The following SETX variants were observed in gnomAD, a reference collection of about 807,000 sequenced individuals.
The protein encoded by SETX is senataxin.
A neutral mutation model predicts 227.2 loss-of-function variants in SETX; 90 were observed. The observed-to-expected ratio is 0.40, with a 90% CI of 0.33 to 0.47. The LOEUF (loss-of-function observed/expected upper bound fraction) is 0.47. Ranked by LOEUF, SETX falls within the 20% of genes least tolerant of loss-of-function variation. The probability of loss-of-function intolerance (pLI) is 0.91; values close to 1 mark genes in which losing one functional copy is unlikely to be tolerated. For synonymous variants in SETX, 1,210 were observed against 1,113.2 expected (o/e 1.09, Z -1.73); for missense variants, 3,052 against 3,181.5 (o/e 0.96, Z 0.98).
chr9:132,270,184 G>A (rs370899791), intron 24 of SETX, among the ~76,000 whole-genome samples: 1 of 147,772 alleles, frequency 6.8e-6, no homozygotes, highest in Non-Finnish European at 1.5e-5. Context: ...GTGGACTCTA[G>A]AATGACTCAG....
intron 11 of SETX, among the ~76,000 whole-genome samples, chr9:132,311,158 G>A (rs1187372029): frequency 6.6e-6 from 1 of 152,082 alleles, no homozygotes; most frequent in Non-Finnish European, 1.5e-5. Flanking sequence ...GTAGAAACGG[G>A]GTTTCACCAT....
intron 12 of SETX, 99 bp from the exon 13 acceptor site, chr9:132,298,411 G>A: frequency 9.7e-7 from 1 of 1,028,818 alleles, no homozygotes; most frequent in Non-Finnish European, 1.5e-6. Context: ...ACATATTTTT[G>A]GATATTATTT....
intron 10 of SETX, among the ~76,000 whole-genome samples, chr9:132,325,742 G>T (rs899247241): frequency 1.3e-5 from 2 of 151,942 alleles, no homozygotes; most frequent in African/African-American, 4.8e-5. Context: ...AGACCAGCCT[G>T]ACCAACATGG....
At chr9:132,290,707 C>G (rs1844244542) in intron 15 of SETX, among the ~76,000 whole-genome samples, 1 of 151,786 alleles carries the variant, frequency 6.6e-6, no homozygotes, top group African/African-American at 2.4e-5. Context: ...CCAGCCTGGG[C>G]AACATGATGA....
At chr9:132,335,345 C>T (rs966909004) in intron 6 of SETX, among the ~76,000 whole-genome samples, 1 of 118,340 alleles carries the variant, frequency 8.5e-6, no homozygotes, top group Non-Finnish European at 1.6e-5. Flanking sequence ...GAGCCGAGAT[C>T]GCGCGACTGC....
intron 11 of SETX, among the ~76,000 whole-genome samples, chr9:132,304,869 A>T (rs1020925929): frequency 6.6e-6 from 1 of 151,974 alleles, no homozygotes; most frequent in Non-Finnish European, 1.5e-5. Flanking sequence ...ATGGTGGCAC[A>T]TGCCATAATC....
At chr9:132,300,966 C>G (rs1009316072) in intron 11 of SETX, among the ~76,000 whole-genome samples, 163 bp from the exon 12 acceptor site, 3 of 151,862 alleles carry the variant, frequency 2.0e-5, no homozygotes, top group Non-Finnish European at 4.4e-5. Context: ...TCAAAAACTT[C>G]AAATATTAAA....
At chr9:132,323,096 CTT>C (rs912563207) in intron 10 of SETX, among the ~76,000 whole-genome samples, 1 of 152,164 alleles carries the variant, frequency 6.6e-6, no homozygotes, top group Non-Finnish European at 1.5e-5. Flanking sequence ...CATATATCCT[CTT>C]CTCTGGAAGC....
At chr9:132,295,823 C>T in intron 15 of SETX, 49 bp downstream of exon 15, 2 of 1,569,716 alleles carry the variant, frequency 1.3e-6, no homozygotes, top group Non-Finnish European at 8.7e-7. Flanking sequence ...GTTGCCTACA[C>T]TTAACACTGA....
intron 23 of SETX, among the ~76,000 whole-genome samples, chr9:132,273,523 A>G (rs1842998472): frequency 6.6e-6 from 1 of 152,204 alleles, no homozygotes; most frequent in South Asian, 2.1e-4. Flanking sequence ...TACAAGTCTT[A>G]TACTTCTTTG....
At chr9:132,303,673 A>C (rs1235927588) in intron 11 of SETX, among the ~76,000 whole-genome samples, 2 of 152,182 alleles carry the variant, frequency 1.3e-5, no homozygotes, top group Non-Finnish European at 2.9e-5. Flanking sequence ...GAAAAATAAG[A>C]GGACAAACAA....
At position 132,333,408 on chromosome 9, in the gene SETX, A is replaced by AATAT. The variant is rs773749543; in HGVS notation, c.838+1196_838+1199dup. On this transcript the variant is annotated intron_variant, in intron 7 of 25. Transcript: ENST00000224140. ...GAAAAAAAAAAAAAAGAAAAAAAAA[A>AATAT]ATATATATACACACACACACACACA... Among the ~76,000 whole-genome samples the AATAT allele has an allele frequency of 4.7e-3, 337 of 72,180 alleles. 19 individuals carry two copies. Among genetic ancestry groups the AATAT allele is most frequent in the Non-Finnish European group, 6.8e-3 (281 of 41,070 alleles). 47.4% of individuals were successfully genotyped at this position (72,180 alleles called of 152,430 possible). A position where few individuals can be genotyped will look rare whatever the true frequency, so the allele number is the denominator to read the frequency against.
chr9:132,315,097 G>A (rs1312835028), intron 10 of SETX, among the ~76,000 whole-genome samples: 4 of 151,852 alleles, frequency 2.6e-5, no homozygotes, highest in East Asian at 3.9e-4. Flanking sequence ...ATTTTTAGTA[G>A]AGACAGGGTT....
At position 132,298,578 on chromosome 9, in the gene SETX, GA is replaced by G. The variant is rs556995515; in HGVS notation, c.5549-267del. Among the ~76,000 whole-genome samples the G allele has an allele frequency of 4.6e-5, 7 of 152,292 alleles. No individual in the cohort carries two copies. The East Asian group carries it at 1.3e-3, about 29-fold the overall frequency. On this transcript the variant is annotated intron_variant, in intron 12 of 25. Transcript: ENST00000224140. ...AAGAAAGCACACAAAGGGAGGAAGT[GA>G]TGGGGATGGAGGCAGATAAGCTGGT...
At chr9:132,295,280 C>A (rs992594863) in intron 15 of SETX, among the ~76,000 whole-genome samples, 2 of 152,116 alleles carry the variant, frequency 1.3e-5, no homozygotes, top group African/African-American at 4.8e-5. Flanking sequence ...AGGGTTAACA[C>A]CAAGTTCATG....
chr9:132,336,507 A>G lies in SETX; in HGVS notation c.507T>C (p.Arg169=). ...AGTTTCTTGCAGTCAAGATAGCCCA[A>G]CGCCGAACCTAAATGCAGAATATAT... is the stretch of plus-strand genomic sequence containing the variant. The part of the protein sequence containing the change: ...FLVHPNEMVR[R]WAILTARNLG... Residue 169 remains arginine, a synonymous_variant, in exon 6 of 26, where the codon CGT becomes CGC. Coordinates refer to ENST00000224140, the MANE Select transcript of SETX (RefSeq NM_015046.7). 6.2e-7 allele frequency: 1 copy of G among 1,611,066 alleles called. No individual in the cohort carries two copies. Among genetic ancestry groups the G allele is most frequent in the Non-Finnish European group, 8.5e-7 (1 of 1,177,212 alleles).
At chr9:132,348,560 A>G (rs1848438105) in intron 3 of SETX, among the ~76,000 whole-genome samples, 1 of 152,144 alleles carries the variant, frequency 6.6e-6, no homozygotes, top group Non-Finnish European at 1.5e-5. Context: ...CCAGGTTTCA[A>G]TTCCATCCGT....
chr9:132,285,960 G>A (rs1474075996), intron 18 of SETX, among the ~76,000 whole-genome samples: 1 of 150,390 alleles, frequency 6.6e-6, no homozygotes, highest in Non-Finnish European at 1.5e-5. Context: ...TGAGGCAGGA[G>A]GATCATGACG....
chr9:132,327,546 T>G lies in SETX; in HGVS notation c.4052A>C (p.Gln1351Pro). The G allele has an allele frequency of 6.2e-7, 1 of 1,614,138 alleles. No homozygotes were observed. The highest frequency in any genetic ancestry group is 8.5e-7 in the Non-Finnish European group (1 of 1,180,044). The stretch of plus-strand genomic sequence containing the variant: ...TTGTGATTTGGGTCTGATCTGCCTT[T>G]GCATCTGAAGTTCTTGACTAGTCAG... ...KLLTSQELQM[Q>P]RQIRPKSQKN... Residue 1351 changes from glutamine (Q) to proline (P), a missense_variant, in exon 10 of 26, where the codon CAA (glutamine) becomes CCA (proline). By Grantham distance (76) the Gln-to-Pro change is moderately conservative. Around this residue, in one of 10 missense-constraint regions of SETX, gnomAD observed 1,483 missense variants for 1,312.0 expected, o/e 1.13. Coordinates refer to ENST00000224140, the MANE Select transcript of SETX (RefSeq NM_015046.7).
Sources: gnomAD v4.1 joint callset for allele counts (sites outside exome capture counted in the v4.1 genomes callset) on GRCh38, gnomAD v4.1.1 for gene constraint, gnomAD v4.1.1 regional missense constraint, MANE v1.5 for transcripts, NCBI Gene and HGNC (gene_info 2026-07-23, HGNC 2026-07-21) for gene names.